Variants in CA10 observed in about 807,000 individuals in gnomAD.
CA10 encodes the protein carbonic anhydrase 10 (inactive).
A neutral mutation model predicts 44.2 loss-of-function variants in CA10; 14 were observed. The ratio of observed to expected loss-of-function variants is 0.32; its 90% CI spans 0.21 to 0.50. The LOEUF (loss-of-function observed/expected upper bound fraction) is 0.50, where lower values mean the gene tolerates loss of function less well. CA10 is among the 20% of genes least tolerant of loss of function. The pLI is 0.99. For synonymous variants in CA10, 159 were observed against 141.6 expected, an observed-to-expected ratio of 1.12 and a Z score of -0.87; for missense variants, 350 against 409.7, an observed-to-expected ratio of 0.85 and a Z score of 1.26.
chr17:52,054,456 G>A (rs993841495), intron 2 of CA10, among the ~76,000 whole-genome samples: 1 of 151,882 alleles, frequency 6.6e-6, no homozygotes, highest in South Asian at 2.1e-4. Context: ...TTTTAATTTC[G>A]CCCTGGTCCT....
In CA10 at chr17:51,631,533, A is replaced by C; in HGVS notation, c.*51T>G. The C allele has an allele frequency of 6.5e-7, 1 of 1,541,356 alleles. No individual in the cohort carries two copies. The highest frequency in any genetic ancestry group is 9.0e-7 in the Non-Finnish European group (1 of 1,114,428). On this transcript the variant is annotated 3_prime_UTR_variant, in exon 9 of 9. Coordinates refer to ENST00000451037, the MANE Select transcript of CA10 (RefSeq NM_020178.5). The stretch of plus-strand genomic sequence containing the variant: ...AAGGGGGACATTCTAGGTTACGTCA[A>C]TTCACAGTTGTAGCATTTCACTGAG...
At chr17:51,751,776 C>A (rs577739824) in intron 3 of CA10, among the ~76,000 whole-genome samples, 12 of 152,146 alleles carry the variant, frequency 7.9e-5, no homozygotes, top group Non-Finnish European at 1.8e-4. Flanking sequence ...TGAAGCAAAC[C>A]CCAAACCAGA....
chr17:51,992,037 T>C (rs1985060394), intron 2 of CA10, among the ~76,000 whole-genome samples: 1 of 152,094 alleles, frequency 6.6e-6, no homozygotes, highest in Non-Finnish European at 1.5e-5. Context: ...TGATTTACTC[T>C]ACCACTCAAT....
In CA10 at chr17:51,634,607, C is replaced by T. The variant is rs1289385707; in HGVS notation, c.790-957G>A. On this transcript the variant is annotated intron_variant, in intron 7 of 8. Transcript: ENST00000451037. ...GACAGGCCTGAAGAGCACAATAAGC[C>T]GTGTAGCCAAGCTCACACAGGAGGA... Among the ~76,000 whole-genome samples, 4 of 152,112 alleles carry T rather than the reference C, an allele frequency of 2.6e-5. No homozygotes were observed. The South Asian group carries it at 8.3e-4, about 32-fold the overall frequency.
chr17:51,982,125 C>T (rs748284614), intron 2 of CA10, among the ~76,000 whole-genome samples: 1 of 151,976 alleles, frequency 6.6e-6, no homozygotes, highest in South Asian at 2.1e-4. Context: ...CCTCCCTCTT[C>T]AAACATTTAG....
At chr17:52,115,330 G>A (rs746642434) in intron 1 of CA10, among the ~76,000 whole-genome samples, 3 of 152,162 alleles carry the variant, frequency 2.0e-5, no homozygotes, top group Non-Finnish European at 2.9e-5. Flanking sequence ...AAGCTAAGGA[G>A]CAAAAAATCC....
chr17:51,651,299 C>T (rs925316513), intron 5 of CA10, among the ~76,000 whole-genome samples: 15 of 152,158 alleles, frequency 9.9e-5, no homozygotes, highest in African/African-American at 3.4e-4. Flanking sequence ...GAGGGCTGGC[C>T]TGTAGTACCT....
At chr17:51,744,507 G>T (rs1336559581) in intron 4 of CA10, among the ~76,000 whole-genome samples, 1 of 151,686 alleles carries the variant, frequency 6.6e-6, no homozygotes, top group African/African-American at 2.4e-5. Context: ...TTTGTGGGGG[G>T]GCCAAGACAA....
intron 3 of CA10, among the ~76,000 whole-genome samples, chr17:51,913,109 G>A (rs546707773): frequency 6.6e-6 from 1 of 152,132 alleles, no homozygotes; most frequent in Non-Finnish European, 1.5e-5. Context: ...GCTAGTGGGA[G>A]GAATTTCTTT....
intron 4 of CA10, among the ~76,000 whole-genome samples, chr17:51,723,763 T>G (rs1916429890): frequency 1.3e-5 from 2 of 152,242 alleles, no homozygotes; most frequent in African/African-American, 2.4e-5. Flanking sequence ...GCATGCGCTG[T>G]GCAATGCTAT....
chr17:51,721,754 A>T (rs1419090929), intron 4 of CA10, among the ~76,000 whole-genome samples: 1 of 152,128 alleles, frequency 6.6e-6, no homozygotes, highest in Non-Finnish European at 1.5e-5. Context: ...CCGATTGGTG[A>T]ACATATTGAG....
chr17:52,010,706 A>C (rs1277183550), intron 2 of CA10, among the ~76,000 whole-genome samples: 1 of 151,922 alleles, frequency 6.6e-6, no homozygotes, highest in African/African-American at 2.4e-5. Context: ...AAAATCCCAG[A>C]AATCACCACT....
chr17:51,703,009 T>C (rs1915649677), intron 4 of CA10, among the ~76,000 whole-genome samples: 1 of 152,168 alleles, frequency 6.6e-6, no homozygotes, highest in African/African-American at 2.4e-5. Context: ...TCTGTATGTA[T>C]CCTGCTGGGA....
At chr17:51,675,720 A>C (rs1383928933) in intron 4 of CA10, among the ~76,000 whole-genome samples, 1 of 152,048 alleles carries the variant, frequency 6.6e-6, no homozygotes, top group Non-Finnish European at 1.5e-5. Flanking sequence ...CGTCTCAAAA[A>C]AAAAAACAAA....
chr17:51,650,800 G>A (rs975838627), intron 5 of CA10, among the ~76,000 whole-genome samples: 10 of 152,188 alleles, frequency 6.6e-5, no homozygotes, highest in African/African-American at 1.9e-4. Context: ...CAGCCCTTGC[G>A]TTGGGAGCAG....
chr17:51,982,351 T>C (rs927798968), intron 2 of CA10, among the ~76,000 whole-genome samples: 9 of 151,968 alleles, frequency 5.9e-5, no homozygotes, highest in Admixed American at 2.0e-4. Flanking sequence ...TTCAGCTTCT[T>C]GGTTGACTTA....
intron 2 of CA10, among the ~76,000 whole-genome samples, chr17:51,986,662 G>GA (rs1883313988): frequency 1.3e-5 from 2 of 151,664 alleles, no homozygotes; most frequent in Non-Finnish European, 2.9e-5. Flanking sequence ...AAATTAGCAA[G>GA]AAAAAAACAA....
At chr17:51,716,206 G>A (rs1198707066) in intron 4 of CA10, among the ~76,000 whole-genome samples, 1 of 152,022 alleles carries the variant, frequency 6.6e-6, no homozygotes. Flanking sequence ...GGTCCCCTGG[G>A]TCACCTTACT....
At chr17:51,837,241 T>A (rs773981264) in intron 3 of CA10, among the ~76,000 whole-genome samples, 14 of 152,152 alleles carry the variant, frequency 9.2e-5, no homozygotes, top group African/African-American at 9.7e-5. Flanking sequence ...AGCGGGCCTT[T>A]GCACAGCTTT....
Sources: allele counts gnomAD v4.1 joint callset (sites outside exome capture counted in the v4.1 genomes callset), GRCh38; gene constraint gnomAD v4.1.1; transcripts MANE v1.5; gene names NCBI Gene and HGNC (gene_info 2026-07-23, HGNC 2026-07-21).